Variants in RAB3B observed in about 807,000 individuals in gnomAD.
RAB3B encodes RAB3B, member RAS oncogene family.
A neutral mutation model predicts 20.5 loss-of-function variants in RAB3B; 11 were observed. The ratio of observed to expected loss-of-function variants is 0.54; its 90% confidence interval spans 0.34 to 0.89. The LOEUF (loss-of-function observed/expected upper bound fraction) is 0.89, where lower values mean the gene tolerates loss of function less well. Among genes scored for constraint, RAB3B ranks in the 40% least tolerant of loss-of-function variants. The probability of loss-of-function intolerance (pLI) is 0.02; values close to 1 mark genes in which losing one functional copy is unlikely to be tolerated. For missense variants in RAB3B, 225 were observed against 280.9 expected (o/e 0.80, Z 1.42); for synonymous variants, 99 against 106.3 (o/e 0.93, Z 0.42).
Position 51,909,314 on chromosome 1 carries a change from C to CCACCTTAG in RAB3B, c.*10612_*10613insCTAAGGTG, listed in dbSNP as rs1402966390. ...ATCCCCCTAGACTCTCACAGTGGCTCCACCTTAAATGTCCACAGCATTTCA... is the reference window on the plus strand; with the variant it reads ...ATCCCCCTAGACTCTCACAGTGGCTCCACCTTAGCACCTTAAATGTCCACAGCATTTCA... On this transcript the variant is annotated 3_prime_UTR_variant, in exon 5 of 5. Transcript: ENST00000371655. 6.6e-6 allele frequency: 1 copy of CCACCTTAG among 152,142 alleles called. No individual in the cohort carries two copies. The highest frequency in any genetic ancestry group is 1.5e-5 in the Non-Finnish European group (1 of 68,022). 9.4% of individuals were successfully genotyped at this position (152,142 alleles called of 1,614,324 possible).
chr1:51,920,214 C>T (rs1684154070), intron 4 of RAB3B, 100 bp from the exon 5 acceptor site: 1 of 1,070,474 alleles, frequency 9.3e-7, no homozygotes. Context: ...ATGTCCAGTG[C>T]TCAGCAGTGA....
chr1:51,943,338 C>G (rs1262114196), intron 2 of RAB3B, among the ~76,000 whole-genome samples: 1 of 152,064 alleles, frequency 6.6e-6, no homozygotes, highest in African/African-American at 2.4e-5. Flanking sequence ...GAGTCAAGAT[C>G]ACACCACTGC....
chr1:51,942,667 C>T (rs890133076), intron 2 of RAB3B, among the ~76,000 whole-genome samples: 20 of 152,174 alleles, frequency 1.3e-4, no homozygotes, highest in Non-Finnish European at 2.6e-4. Context: ...GTTTCTTTAT[C>T]TATGAAGCGG....
Position 51,913,231 on chromosome 1 carries a change from C to T in RAB3B, c.*6696G>A, listed in dbSNP as rs1348926166. The T allele has an allele frequency of 6.6e-6, 1 of 152,082 alleles. No individual in the cohort carries two copies. The highest frequency in any genetic ancestry group is 1.5e-5 in the Non-Finnish European group (1 of 68,024). The allele number at this position is 152,082 out of a possible 1,614,324, so 9.4% of individuals were successfully genotyped here. ...AACAAGCATCAAAACTTCTTCATCT[C>T]GAGTGTCTTGATTCCTCCAAAGTAA... On this transcript the variant is annotated 3_prime_UTR_variant, in exon 5 of 5. Transcript: ENST00000371655.
rs1491223921 is a variant in RAB3B, at chr1:51,912,554, A to AAAT, written c.*7372_*7373insATT. 29 of 15,496 alleles carry AAAT rather than the reference A, an allele frequency of 1.9e-3. No individual in the cohort carries two copies. The highest frequency in any genetic ancestry group is 2.9e-3 in the Non-Finnish European group (20 of 6,826). 1.0% of individuals were successfully genotyped at this position (15,496 alleles called of 1,614,324 possible). On this transcript the variant is annotated 3_prime_UTR_variant, in exon 5 of 5. Coordinates refer to ENST00000371655, the MANE Select transcript of RAB3B (RefSeq NM_002867.4). The stretch of plus-strand genomic sequence containing the variant: ...AGACCGTCTCTATTAAAAAAAAAAA[A>AAAT]ATATATATATATATATATATATATA...
rs564028786 is a variant in RAB3B, at chr1:51,981,705, A to G, written c.1-4588T>C. On this transcript the variant is annotated intron_variant, in intron 1 of 4. Coordinates refer to ENST00000371655, the MANE Select transcript of RAB3B (RefSeq NM_002867.4). ...AACATTTCAGTCAATGACAGACCAC[A>G]TGTACAATGGCGGTCCCATAAGATT... Among the ~76,000 whole-genome samples the G allele has an allele frequency of 2.0e-5, 3 of 152,332 alleles. No individual in the cohort carries two copies. The South Asian group carries it at 6.2e-4, about 32-fold the overall frequency.
At position 51,919,564 on chromosome 1, in the gene RAB3B, T is replaced by C. The variant is rs1684140017; in HGVS notation, c.*363A>G. On this transcript the variant is annotated 3_prime_UTR_variant, in exon 5 of 5. Coordinates refer to ENST00000371655, the MANE Select transcript of RAB3B (RefSeq NM_002867.4). ...CGAGCCTCACTTTACGCAATTGGCATGCCCCTGAAGAATGTGTGCGTGTCA... is the reference window on the plus strand; with the variant it reads ...CGAGCCTCACTTTACGCAATTGGCACGCCCCTGAAGAATGTGTGCGTGTCA... The C allele has an allele frequency of 1.1e-5, 2 of 179,634 alleles. No homozygotes were observed. The highest frequency in any genetic ancestry group is 4.7e-5 in the African/African-American group (2 of 42,532). The allele number at this position is 179,634 out of a possible 1,614,324, so 11.1% of individuals were successfully genotyped here. A position where few individuals can be genotyped will look rare whatever the true frequency, so the allele number is the denominator to read the frequency against.
intron 1 of RAB3B, among the ~76,000 whole-genome samples, chr1:51,984,209 A>G: frequency 8.2e-6 from 1 of 122,070 alleles, no homozygotes; most frequent in South Asian, 3.0e-4. Flanking sequence ...GGTTACAGTG[A>G]GCGGAGATTG....
chr1:51,937,616 G>A (rs1433091677), intron 2 of RAB3B, among the ~76,000 whole-genome samples: 1 of 151,950 alleles, frequency 6.6e-6, no homozygotes, highest in Non-Finnish European at 1.5e-5. Flanking sequence ...TCCTGCCTCA[G>A]CTTCCCGAGT....
At chr1:51,960,824 C>CTT (rs1684775187) in intron 2 of RAB3B, among the ~76,000 whole-genome samples, 4 of 152,116 alleles carry the variant, frequency 2.6e-5, no homozygotes, top group Admixed American at 2.6e-4. Flanking sequence ...GGTGGTAACC[C>CTT]TAAGATCAGT....
chr1:51,910,585 T>G lies in RAB3B; in HGVS notation c.*9342A>C, dbSNP rs1683984282. Reference sequence around the variant, plus strand: ...TAAGTGATGAGGGGGTCACACAGCCTTGGCTCTTTTCACTGTACCCGAAAA... The same window carrying G: ...TAAGTGATGAGGGGGTCACACAGCCGTGGCTCTTTTCACTGTACCCGAAAA... On this transcript the variant is annotated 3_prime_UTR_variant, in exon 5 of 5. Transcript: ENST00000371655. The G allele has an allele frequency of 1.3e-5, 2 of 152,168 alleles. No individual in the cohort carries two copies. Among genetic ancestry groups the G allele is most frequent in the Admixed American group, 1.3e-4 (2 of 15,268 alleles). 9.4% of individuals were successfully genotyped at this position (152,168 alleles called of 1,614,324 possible).
At chr1:51,977,411 G>T (rs1685025594) in intron 1 of RAB3B, among the ~76,000 whole-genome samples, 1 of 152,182 alleles carries the variant, frequency 6.6e-6, no homozygotes, top group African/African-American at 2.4e-5. Flanking sequence ...CAGACATGGT[G>T]CCTGACCTCT....
chr1:51,985,849 TAA>T (rs562172384), intron 1 of RAB3B, among the ~76,000 whole-genome samples: 108 of 122,072 alleles, frequency 8.8e-4, no homozygotes, highest in Non-Finnish European at 8.2e-4. Flanking sequence ...ATCTTACAGG[TAA>T]AAAAAAAAAA....
rs147315170 is a variant in RAB3B at position 51,959,954 on chromosome 1, G to A, written c.228+16936C>T. ...TGGGGGTTTAGAGTACACGTGGGTG[G>A]TGCATGGACTGCCTGAAGGGTGAAG... On this transcript the variant is annotated intron_variant, in intron 2 of 4. Transcript: ENST00000371655. Among the ~76,000 whole-genome samples the A allele has an allele frequency of 4.0e-3, 607 of 152,254 alleles. 1 individual carries two copies. The highest frequency in any genetic ancestry group is 6.6e-3 in the Non-Finnish European group (451 of 68,024).
At position 51,912,912 on chromosome 1, in the gene RAB3B, G is replaced by T. The variant is rs1337547680; in HGVS notation, c.*7015C>A. 6.6e-6 allele frequency: 1 copy of T among 152,076 alleles called. No individual in the cohort carries two copies. Among genetic ancestry groups the T allele is most frequent in the East Asian group, 1.9e-4 (1 of 5,198 alleles). 9.4% of individuals were successfully genotyped at this position (152,076 alleles called of 1,614,324 possible). ...GAATCAAGAGTTTCAATTTGGACAT[G>T]TTAAGTTTGAGACATGAAAATGTCC... On this transcript the variant is annotated 3_prime_UTR_variant, in exon 5 of 5. Coordinates refer to ENST00000371655, the MANE Select transcript of RAB3B (RefSeq NM_002867.4).
chr1:51,944,605 T>TTATGGAA (rs1331678223), intron 2 of RAB3B, among the ~76,000 whole-genome samples: 1 of 152,198 alleles, frequency 6.6e-6, no homozygotes, highest in East Asian at 1.9e-4. Flanking sequence ...TATGGATGAC[T>TTATGGAA]TTATGGGGTT....
intron 4 of RAB3B, among the ~76,000 whole-genome samples, chr1:51,920,570 A>G (rs1348118062): frequency 6.6e-6 from 1 of 152,190 alleles, no homozygotes; most frequent in Non-Finnish European, 1.5e-5. Flanking sequence ...CACTTATCAC[A>G]TAGATTATTT....
rs942922931 is a variant in RAB3B, at chr1:51,986,960, C to G, written c.-1+3592G>C. Among the ~76,000 whole-genome samples, 5 of 152,208 alleles carry G rather than the reference C, an allele frequency of 3.3e-5. No homozygotes were observed. In the South Asian group the frequency reaches 6.2e-4, roughly 19 times the overall value. ...TTGCATTTGTAAGATAAGCATCAATCAAATCTTTCCTCTATTTTGTGACAG... is the reference window on the plus strand; with the variant it reads ...TTGCATTTGTAAGATAAGCATCAATGAAATCTTTCCTCTATTTTGTGACAG... On this transcript the variant is annotated intron_variant, in intron 1 of 4. Coordinates refer to ENST00000371655, the MANE Select transcript of RAB3B (RefSeq NM_002867.4).
chr1:51,957,655 G>A (rs963037229), intron 2 of RAB3B, among the ~76,000 whole-genome samples: 9 of 152,298 alleles, frequency 5.9e-5, no homozygotes, highest in African/African-American at 1.9e-4. Flanking sequence ...ATAAACAGTC[G>A]TGTTCATTTA....
Sources: gnomAD v4.1 joint callset for allele counts (sites outside exome capture counted in the v4.1 genomes callset) on GRCh38, gnomAD v4.1.1 for gene constraint, MANE v1.5 for transcripts, NCBI Gene and HGNC (gene_info 2026-07-23, HGNC 2026-07-21) for gene names.